The following ACAP2 variants were observed in gnomAD, a reference collection of about 807,000 sequenced individuals.
ACAP2 encodes the protein ArfGAP with coiled-coil, ankyrin repeat and PH domains 2.
In ACAP2, 39 loss-of-function variants were observed where a neutral mutation model predicts 115.8. The ratio of observed to expected loss-of-function variants is 0.34; its 90% CI spans 0.26 to 0.44. The LOEUF is 0.44. Ranked by LOEUF, ACAP2 falls within the 20% of genes least tolerant of loss-of-function variation. The pLI is 1.00. For synonymous variants in ACAP2, 289 were observed against 315.8 expected, an observed-to-expected ratio of 0.92 and a Z score of 0.90; for missense variants, 662 against 927.6, an observed-to-expected ratio of 0.71 and a Z score of 3.72.
At chr3:195,421,564 T>C (rs569885463) in intron 1 of ACAP2, among the ~76,000 whole-genome samples, 1 of 152,346 alleles carries the variant, frequency 6.6e-6, no homozygotes, top group East Asian at 1.9e-4. Flanking sequence ...AAAGCAGTAC[T>C]AGTAATGCAT....
chr3:195,363,543 G>C (rs1380014843), intron 4 of ACAP2, among the ~76,000 whole-genome samples: 2 of 149,948 alleles, frequency 1.3e-5, no homozygotes, highest in Non-Finnish European at 3.0e-5. Context: ...TCTGGACAAA[G>C]AAAAAAGTAA....
At chr3:195,327,102 T>A in intron 8 of ACAP2, 143 bp from the exon 9 acceptor site, 1 of 751,688 alleles carries the variant, frequency 1.3e-6, no homozygotes, top group Non-Finnish European at 2.1e-6. Context: ...AATTTTGAAG[T>A]AGAAGTTCAT....
chr3:195,301,907 C>T, intron 14 of ACAP2, 59 bp downstream of exon 14: 2 of 1,557,918 alleles, frequency 1.3e-6, no homozygotes, highest in Non-Finnish European at 1.7e-6. Context: ...AGTGAAACAA[C>T]CATTTCTATC....
intron 4 of ACAP2, among the ~76,000 whole-genome samples, chr3:195,363,385 G>A (rs1189802881): frequency 6.6e-6 from 1 of 152,124 alleles, no homozygotes; most frequent in African/African-American, 2.4e-5. Context: ...GCTCATGCCT[G>A]TAATCCCAGC....
In ACAP2 at chr3:195,308,850, A is replaced by C; in HGVS notation, c.858-13T>G. 6.3e-7 allele frequency: 1 copy of C among 1,595,656 alleles called. No homozygotes were observed. Among genetic ancestry groups the C allele is most frequent in the Non-Finnish European group, 8.5e-7 (1 of 1,173,130 alleles). On this transcript the variant is annotated splice_polypyrimidine_tract_variant and intron_variant, in intron 10 of 22. Transcript: ENST00000326793. ...TGAAAACCAGCGCCTACAGAAACAC[A>C]AAATAGATTAAGTTTTCATAAACAT...
chr3:195,317,528 TA>T (rs1729175578), intron 10 of ACAP2, among the ~76,000 whole-genome samples: 1 of 152,170 alleles, frequency 6.6e-6, no homozygotes, highest in African/African-American at 2.4e-5. Flanking sequence ...GAATAAAAGA[TA>T]ATCACTGATA....
chr3:195,280,946 G>T (rs1216249109), intron 22 of ACAP2: 1 of 152,178 alleles, frequency 6.6e-6, no homozygotes, highest in African/African-American at 2.4e-5. Context: ...CATTGCTACA[G>T]ATGTTGTTAA....
At chr3:195,328,043 A>G (rs1309160165) in intron 8 of ACAP2, among the ~76,000 whole-genome samples, 2 of 152,096 alleles carry the variant, frequency 1.3e-5, no homozygotes, top group Non-Finnish European at 2.9e-5. Flanking sequence ...TTCCAGTAAC[A>G]TGTCACGAGA....
chr3:195,388,561 C>T (rs1214698506), intron 2 of ACAP2, among the ~76,000 whole-genome samples: 1 of 152,178 alleles, frequency 6.6e-6, no homozygotes, highest in Non-Finnish European at 1.5e-5. Flanking sequence ...GTGGAACTTG[C>T]CCTGCACAAA....
intron 16 of ACAP2, among the ~76,000 whole-genome samples, 193 bp downstream of exon 16, chr3:195,296,997 T>C (rs928909241): frequency 1.3e-5 from 2 of 152,294 alleles, no homozygotes; most frequent in African/African-American, 4.8e-5. Flanking sequence ...CTCTAAAGAC[T>C]ATAATTGATT....
At chr3:195,378,825 C>T (rs1374784737) in intron 4 of ACAP2, among the ~76,000 whole-genome samples, 1 of 148,770 alleles carries the variant, frequency 6.7e-6, no homozygotes, top group East Asian at 2.0e-4. Context: ...CGCACCACTG[C>T]ACTCCAGCCT....
At chr3:195,429,805 T>C (rs1173491499) in intron 1 of ACAP2, among the ~76,000 whole-genome samples, 1 of 152,224 alleles carries the variant, frequency 6.6e-6, no homozygotes, top group Non-Finnish European at 1.5e-5. Flanking sequence ...AATCTTATGT[T>C]TTCTCCTAAG....
intron 8 of ACAP2, among the ~76,000 whole-genome samples, chr3:195,330,767 C>G (rs1730114961): frequency 6.6e-6 from 1 of 152,180 alleles, no homozygotes; most frequent in Non-Finnish European, 1.5e-5. Context: ...ATTTCCCTTG[C>G]AGCTATTGTG....
intron 1 of ACAP2, among the ~76,000 whole-genome samples, chr3:195,424,281 ATATTTTTTTTTT>A (rs1444511366): frequency 1.7e-3 from 86 of 49,356 alleles, no homozygotes; most frequent in African/African-American, 4.6e-3. Flanking sequence ...ATATATATAT[ATATTTTTTTTTT>A]TTTTTTTTTT....
At chr3:195,336,770 C>T in intron 7 of ACAP2, 162 bp downstream of exon 7, 1 of 642,742 alleles carries the variant, frequency 1.6e-6, no homozygotes, top group East Asian at 2.9e-5. Context: ...ATGAAGGAGA[C>T]AAAAAGAAGT....
chr3:195,356,226 G>A (rs1031484176), intron 4 of ACAP2: 8 of 456,056 alleles, frequency 1.8e-5, no homozygotes, highest in African/African-American at 6.0e-5. Flanking sequence ...ACTACAAGCC[G>A]GAACGCAGTG....
Position 195,326,901 on chromosome 3 carries a change from G to T in ACAP2, c.728C>A (p.Ser243Tyr). 1 of 1,613,874 alleles carries T rather than the reference G, an allele frequency of 6.2e-7. No homozygotes were observed. The highest frequency in any genetic ancestry group is 8.5e-7 in the Non-Finnish European group (1 of 1,179,920). The change falls in exon 9 of 23, where the codon TCC becomes TAC. Residue 243 changes from serine (S) to tyrosine (Y), a missense_variant. Physicochemically the swap from Ser to Tyr is moderately radical, Grantham distance 144 (BLOSUM62 -2). This residue lies in a region of ACAP2 where 401 missense variants were observed against 604.4 expected (regional missense o/e 0.66). Transcript: ENST00000326793. ...CTGAGGTACCTTTTGTTGAATGGTG[G>T]AATGTTTTTGCTCCATTTCTCTTTT... Reference protein sequence around the residue: ...KEKREMEQKHSTIQQKDFSSD... With the variant: ...KEKREMEQKHYTIQQKDFSSD...
chr3:195,334,216 T>C (rs1373270040), intron 7 of ACAP2, among the ~76,000 whole-genome samples: 1 of 127,300 alleles, frequency 7.9e-6, no homozygotes, highest in Non-Finnish European at 1.6e-5. Context: ...CAAAAAAAAC[T>C]ATTTTCAAAA....
At chr3:195,411,392 A>G (rs972905344) in intron 1 of ACAP2, among the ~76,000 whole-genome samples, 1 of 152,226 alleles carries the variant, frequency 6.6e-6, no homozygotes, top group Non-Finnish European at 1.5e-5. Flanking sequence ...GTGTCCACCA[A>G]CAGAAAAATG....
Sources: allele counts gnomAD v4.1 joint callset (sites outside exome capture counted in the v4.1 genomes callset), GRCh38; gene constraint gnomAD v4.1.1; regional missense constraint gnomAD v4.1.1; transcripts MANE v1.5; gene names NCBI Gene and HGNC (gene_info 2026-07-23, HGNC 2026-07-21).